Variants in SGPP2 observed in about 807,000 individuals in gnomAD.
The protein encoded by SGPP2 is sphingosine 1-phosphate phosphohydrolase 2.
A neutral mutation model predicts 33.9 loss-of-function variants in SGPP2; 30 were observed. That is an observed-to-expected ratio of 0.89 (90% CI 0.66 to 1.20). SGPP2 has a LOEUF of 1.20. Among genes scored for constraint, SGPP2 ranks in the 50% most tolerant of loss-of-function variants. The probability of loss-of-function intolerance (pLI) is 0.00; values close to 1 mark genes in which losing one functional copy is unlikely to be tolerated. For synonymous variants in SGPP2, 233 were observed against 225.0 expected (o/e 1.04, Z -0.32); for missense variants, 458 against 532.1 (o/e 0.86, Z 1.37).
intron 2 of SGPP2, among the ~76,000 whole-genome samples, chr2:222,512,806 T>C (rs192796285): frequency 7.9e-5 from 12 of 152,350 alleles, no homozygotes; most frequent in Admixed American, 5.2e-4. Context: ...CATGGCTCGA[T>C]GGCTCATTTT....
chr2:222,544,094 A>G (rs951492063), intron 4 of SGPP2, among the ~76,000 whole-genome samples: 3 of 152,198 alleles, frequency 2.0e-5, no homozygotes, highest in African/African-American at 4.8e-5. Flanking sequence ...AGTGCTTTAC[A>G]TATATTAACT....
intron 1 of SGPP2, among the ~76,000 whole-genome samples, chr2:222,427,758 A>G (rs1381812820): frequency 6.6e-6 from 1 of 152,130 alleles, no homozygotes; most frequent in Non-Finnish European, 1.5e-5. Context: ...CACCTTTCAC[A>G]TTGTCTATAT....
chr2:222,558,416 G>A lies in SGPP2; in HGVS notation c.718G>A (p.Asp240Asn), dbSNP rs141548793. The part of the protein sequence containing the change: ...VLTYPAWTFI[D>N]CLDSASPLFP... ...CACCTACCCTGCCTGGACCTTCATC[G>A]ACTGCCTGGACTCGGCCAGCCCCCT... The change falls in exon 5 of 5, where the codon GAC becomes AAC. Residue 240 changes from aspartate (D) to asparagine (N), a missense_variant. By Grantham distance (23) the Asp-to-Asn change is conservative. Coordinates refer to ENST00000321276, the MANE Select transcript of SGPP2 (RefSeq NM_152386.4). 84 of 1,614,018 alleles carry A rather than the reference G, an allele frequency of 5.2e-5. 1 individual carries two copies. The East Asian group carries it at 8.5e-4, about 16-fold the overall frequency.
At chr2:222,440,855 GAC>G (rs1697314257) in intron 1 of SGPP2, among the ~76,000 whole-genome samples, 1 of 151,482 alleles carries the variant, frequency 6.6e-6, no homozygotes, top group South Asian at 2.1e-4. Flanking sequence ...GCTGGAATCT[GAC>G]ACTCTCTGCT....
intron 1 of SGPP2, among the ~76,000 whole-genome samples, chr2:222,466,865 G>A (rs1697754217): frequency 6.6e-6 from 1 of 152,122 alleles, no homozygotes; most frequent in Non-Finnish European, 1.5e-5. Flanking sequence ...GCTGTCTCAG[G>A]GAGGCATGTC....
intron 1 of SGPP2, among the ~76,000 whole-genome samples, chr2:222,431,379 G>A (rs1331564026): frequency 6.6e-6 from 1 of 151,978 alleles, no homozygotes; most frequent in East Asian, 1.9e-4. Context: ...GGTGGCACAC[G>A]TCTGATGTAC....
At chr2:222,548,067 C>A (rs1689232212) in intron 4 of SGPP2, among the ~76,000 whole-genome samples, 1 of 152,176 alleles carries the variant, frequency 6.6e-6, no homozygotes, top group African/African-American at 2.4e-5. Context: ...CAAACTGTAA[C>A]CTTTGTAGGT....
intron 4 of SGPP2, among the ~76,000 whole-genome samples, chr2:222,549,947 G>A (rs938778575): frequency 2.0e-5 from 3 of 150,862 alleles, no homozygotes; most frequent in East Asian, 2.0e-4. Context: ...CACAATCTCA[G>A]CTCATTGCAA....
At chr2:222,452,294 A>T in intron 1 of SGPP2, 2 of 562,604 alleles carry the variant, frequency 3.6e-6, no homozygotes, top group Admixed American at 2.3e-5. Flanking sequence ...AAACCAGAAC[A>T]TGTGGTTTCC....
chr2:222,501,212 G>C (rs1041592411), intron 2 of SGPP2, among the ~76,000 whole-genome samples: 5 of 152,210 alleles, frequency 3.3e-5, no homozygotes, highest in African/African-American at 7.2e-5. Flanking sequence ...CTGCAGTCCA[G>C]CTAACTGTTC....
intron 1 of SGPP2, among the ~76,000 whole-genome samples, chr2:222,440,912 A>G (rs552860765): frequency 7.9e-5 from 12 of 152,134 alleles, no homozygotes; most frequent in Middle Eastern, 3.4e-3. Flanking sequence ...TGAGATCTAC[A>G]CTCCCTTCTA....
chr2:222,562,363 A>G lies in SGPP2; in HGVS notation c.*3465A>G, dbSNP rs59732277. Among the ~76,000 whole-genome samples the G allele has an allele frequency of 0.031, 4,685 of 152,268 alleles. 116 individuals are homozygous for G. The highest frequency in any genetic ancestry group is 0.067 in the African/African-American group (2,799 of 41,528). On this transcript the variant is annotated 3_prime_UTR_variant, in exon 5 of 5. Coordinates refer to ENST00000321276, the MANE Select transcript of SGPP2 (RefSeq NM_152386.4). ...ATGAAAACGTAGAAGACACCCCTGA[A>G]TTAAAAACACTTACATAGCAGTGGC...
intron 1 of SGPP2, chr2:222,452,794 G>A (rs1359706011): frequency 2.6e-6 from 4 of 1,557,500 alleles, no homozygotes; most frequent in Non-Finnish European, 3.5e-6. Flanking sequence ...GGGTAGGTAG[G>A]TGCTGAGGCC....
At chr2:222,457,138 C>T (rs570640189) in intron 1 of SGPP2, among the ~76,000 whole-genome samples, 1 of 151,778 alleles carries the variant, frequency 6.6e-6, no homozygotes, top group Admixed American at 6.6e-5. Flanking sequence ...GAGCCTTAAG[C>T]TTTATTAATA....
intron 4 of SGPP2, among the ~76,000 whole-genome samples, chr2:222,541,494 G>T (rs2106149005): frequency 6.6e-6 from 1 of 152,302 alleles, no homozygotes; most frequent in South Asian, 2.1e-4. Flanking sequence ...ATATAGGTGT[G>T]TAAGTAGTGC....
In SGPP2 at chr2:222,558,268, G is replaced by C. The variant is rs2106160441; in HGVS notation, c.649-79G>C. The C allele has an allele frequency of 2.1e-6, 3 of 1,413,286 alleles. No homozygotes were observed. The East Asian group carries it at 6.9e-5, about 33-fold the overall frequency. 87.5% of individuals were successfully genotyped at this position (1,413,286 alleles called of 1,614,324 possible). ...AAATTGTGTTTTAAATATCAAATTA[G>C]CCATACTTGATTCAAATTATACCTG... On this transcript the variant is annotated intron_variant, in intron 4 of 4. Transcript: ENST00000321276.
intron 1 of SGPP2, among the ~76,000 whole-genome samples, chr2:222,437,017 G>A (rs1317311137): frequency 6.6e-6 from 1 of 152,162 alleles, no homozygotes; most frequent in South Asian, 2.1e-4. Flanking sequence ...GAAGACAGGA[G>A]TGGCTGGGGA....
rs548748730 is a variant in SGPP2 at position 222,550,398 on chromosome 2, T to C, written c.649-7949T>C. ...AAAATAACAGGTATTGACTAGAAAA[T>C]TTGGAAGATCCTGGAGTATAGAGAA... On this transcript the variant is annotated intron_variant, in intron 4 of 4. Coordinates refer to ENST00000321276, the MANE Select transcript of SGPP2 (RefSeq NM_152386.4). This position sits in a 1 kb window ranked among gnomAD's most constrained non-coding sequence, Gnocchi z 4.5. 6.6e-6 allele frequency among the ~76,000 whole-genome samples: 1 copy of C among 152,148 alleles called. No individual in the cohort carries two copies. Among genetic ancestry groups the C allele is most frequent in the Admixed American group, 6.5e-5 (1 of 15,274 alleles).
chr2:222,453,095 T>C, intron 1 of SGPP2: 1 of 992,464 alleles, frequency 1.0e-6, no homozygotes, highest in Non-Finnish European at 1.6e-6. Context: ...CCTTTGGGAC[T>C]GGTAGGAGAA....
Sources: allele counts gnomAD v4.1 joint callset (sites outside exome capture counted in the v4.1 genomes callset), GRCh38; gene constraint gnomAD v4.1.1; non-coding constraint Gnocchi (gnomAD v3.1); transcripts MANE v1.5; gene names NCBI Gene and HGNC (gene_info 2026-07-23, HGNC 2026-07-21).